The following DNHD1 variants were observed in gnomAD, a reference collection of about 807,000 sequenced individuals.
DNHD1 encodes the protein dynein heavy chain domain 1.
A neutral mutation model predicts 458.1 loss-of-function variants in DNHD1; 383 were observed. That is an observed-to-expected ratio of 0.84 (90% CI 0.77 to 0.91). The LOEUF is 0.91. DNHD1 is among the 40% of genes least tolerant of loss of function. The pLI is 0.00. For synonymous variants in DNHD1, 2,203 were observed against 2,376.9 expected, an observed-to-expected ratio of 0.93 and a Z score of 2.13; for missense variants, 5,336 against 5,866.1, an observed-to-expected ratio of 0.91 and a Z score of 2.95.
At chr11:6,506,394 C>T (rs1852228414) in intron 4 of DNHD1, among the ~76,000 whole-genome samples, 1 of 152,122 alleles carries the variant, frequency 6.6e-6, no homozygotes, top group Non-Finnish European at 1.5e-5. Flanking sequence ...ATGTGTTATA[C>T]AGATATTATA....
intron 18 of DNHD1, among the ~76,000 whole-genome samples, chr11:6,543,382 C>G (rs1474922820): frequency 6.6e-6 from 1 of 152,194 alleles, no homozygotes; most frequent in African/African-American, 2.4e-5. Context: ...AAAGTTTGTT[C>G]TCAGCTTCTC....
chr11:6,503,759 G>A (rs1852181727), intron 4 of DNHD1: 1 of 152,184 alleles, frequency 6.6e-6, no homozygotes, highest in Non-Finnish European at 1.5e-5. Context: ...TTACAGGCAT[G>A]AGCCACCATG....
At chr11:6,512,437 T>C (rs373471319) in intron 7 of DNHD1, among the ~76,000 whole-genome samples, 39 of 151,970 alleles carry the variant, frequency 2.6e-4, no homozygotes, top group East Asian at 9.7e-4. Flanking sequence ...TTAGCCAGGA[T>C]GGTCTTGATC....
Position 6,544,943 on chromosome 11 carries a change from C to T in DNHD1, c.4004C>T (p.Ser1335Leu), listed in dbSNP as rs749297367. Residue 1335 changes from serine to leucine, a missense_variant, in exon 21 of 43, where the codon TCG becomes TTG. Physicochemically the swap from Ser to Leu is moderately radical, Grantham distance 145 (BLOSUM62 -2). Around this residue, in one of 4 missense-constraint regions of DNHD1, gnomAD observed 3,932 missense variants for 4,365.6 expected, o/e 0.90. Coordinates refer to ENST00000254579, the MANE Select transcript of DNHD1 (RefSeq NM_144666.3). Reference protein sequence around the residue: ...QQLQQLLQAGSVELEGIIMSL... With the variant: ...QQLQQLLQAGLVELEGIIMSL... Reference sequence around the variant, plus strand: ...CTGCAACAACTGCTGCAAGCAGGATCGGTGGAGCTGGAGGGCATCATCATG... The same window carrying T: ...CTGCAACAACTGCTGCAAGCAGGATTGGTGGAGCTGGAGGGCATCATCATG... 1.2e-5 allele frequency: 18 copies of T among 1,551,568 alleles called. No individual in the cohort carries two copies. Among genetic ancestry groups the T allele is most frequent in the Non-Finnish European group, 1.5e-5 (17 of 1,146,992 alleles).
Position 6,556,703 on chromosome 11 carries a change from C to G in DNHD1, c.7408C>G (p.Pro2470Ala), listed in dbSNP as rs370758058. ...CATAGACCCAGAGAAGAGCTGCCAG[C>G]CAGTGTTGGAGACTCTGCGCCAGGC... ...ATSDPEKSCQ[P>A]VLETLRQAMD... The change falls in exon 25 of 43, where the codon CCA (proline) becomes GCA (alanine). Residue 2470 changes from proline (P) to alanine (A), a missense_variant. Pro to Ala is a conservative substitution (Grantham distance 27, BLOSUM62 -1). Coordinates refer to ENST00000254579, the MANE Select transcript of DNHD1 (RefSeq NM_144666.3). 1 of 1,543,714 alleles carries G rather than the reference C, an allele frequency of 6.5e-7. No homozygotes were observed. Among genetic ancestry groups the G allele is most frequent in the African/African-American group, 1.4e-5 (1 of 72,898 alleles).
Position 6,544,837 on chromosome 11 carries a change from C to G in DNHD1, c.3898C>G (p.Arg1300Gly). Residue 1300 changes from arginine (R) to glycine (G), a missense_variant, in exon 21 of 43, where the codon CGC becomes GGC. Physicochemically the swap from Arg to Gly is moderately radical, Grantham distance 125. Around this residue, in one of 4 missense-constraint regions of DNHD1, gnomAD observed 3,932 missense variants for 4,365.6 expected, o/e 0.90. Transcript: ENST00000254579. ...VMDDQYRTLM[R>G]ISVADPMVLS... ...GGATGACCAGTATCGAACCCTGATGCGCATCTCTGTAGCTGACCCCATGGT... is the reference window on the plus strand; with the variant it reads ...GGATGACCAGTATCGAACCCTGATGGGCATCTCTGTAGCTGACCCCATGGT... The G allele has an allele frequency of 6.4e-7, 1 of 1,551,668 alleles. No individual in the cohort carries two copies. The highest frequency in any genetic ancestry group is 1.7e-4 in the Middle Eastern group (1 of 5,992).
In DNHD1 at chr11:6,559,061, T is replaced by C. The variant is rs947671493; in HGVS notation, c.9371T>C (p.Met3124Thr). ...TFLDFLDTFL[M>T]LQQQTILKIK... ...CTAGACTTCCTGGACACTTTCCTGA[T>C]GCTGCAGCAACAGACAATCCTGAAG... Residue 3124 changes from methionine (M) to threonine (T), a missense_variant, in exon 27 of 43, where the codon ATG (methionine) becomes ACG (threonine). Coordinates refer to ENST00000254579, the MANE Select transcript of DNHD1 (RefSeq NM_144666.3). 2.6e-6 allele frequency: 4 copies of C among 1,551,582 alleles called. No individual in the cohort carries two copies. The highest frequency in any genetic ancestry group is 3.5e-6 in the Non-Finnish European group (4 of 1,146,990).
At position 6,522,326 on chromosome 11, in the gene DNHD1, C is replaced by A. The variant is rs183232177; in HGVS notation, c.1837+2037C>A. Among the ~76,000 whole-genome samples the A allele has an allele frequency of 5.3e-5, 8 of 152,224 alleles. No individual in the cohort carries two copies. The East Asian group carries it at 1.5e-3, about 29-fold the overall frequency. The stretch of plus-strand genomic sequence containing the variant: ...TCTGTTGATAGTTTCTTTTGCTGTG[C>A]AGAAGCTCTTACGTTTAACTGGATC... On this transcript the variant is annotated intron_variant, in intron 10 of 42. Coordinates refer to ENST00000254579, the MANE Select transcript of DNHD1 (RefSeq NM_144666.3).
intron 12 of DNHD1, among the ~76,000 whole-genome samples, chr11:6,531,993 T>C (rs1852837219): frequency 6.6e-6 from 1 of 152,210 alleles, no homozygotes; most frequent in Non-Finnish European, 1.5e-5. Context: ...CTGTGTGATG[T>C]TGATCAAGTG....
chr11:6,508,147 T>C (rs757083810), intron 4 of DNHD1: 6 of 152,224 alleles, frequency 3.9e-5, no homozygotes, highest in Non-Finnish European at 7.3e-5. Context: ...ATTAAATGTA[T>C]CTAAACATAG....
intron 24 of DNHD1, among the ~76,000 whole-genome samples, chr11:6,554,487 G>A (rs147027275): frequency 3.7e-4 from 56 of 151,986 alleles, no homozygotes; most frequent in African/African-American, 1.1e-3. Flanking sequence ...ACACTGTTAC[G>A]AAAATGAAAA....
intron 12 of DNHD1, among the ~76,000 whole-genome samples, chr11:6,530,125 T>C (rs1852796448): frequency 1.3e-5 from 2 of 152,260 alleles, no homozygotes; most frequent in Non-Finnish European, 2.9e-5. Context: ...GTATGATTTC[T>C]ACTCTGCTGT....
Position 6,559,092 on chromosome 11 carries a change from G to C in DNHD1, c.9402G>C (p.Lys3134Asn). 6.4e-7 allele frequency: 1 copy of C among 1,551,678 alleles called. No individual in the cohort carries two copies. Among genetic ancestry groups the C allele is most frequent in the Non-Finnish European group, 8.7e-7 (1 of 1,146,986 alleles). ...MLQQQTILKI[K>N]NKAQRVQNAL... Reference sequence around the variant, plus strand: ...AGCAACAGACAATCCTGAAGATTAAGAACAAGGCCCAGCGGTGAGTGTCCC... The same window carrying C: ...AGCAACAGACAATCCTGAAGATTAACAACAAGGCCCAGCGGTGAGTGTCCC... Residue 3134 changes from lysine (K) to asparagine (N), a missense_variant, in exon 27 of 43, where the codon AAG becomes AAC. Around this residue, in one of 4 missense-constraint regions of DNHD1, gnomAD observed 3,932 missense variants for 4,365.6 expected, o/e 0.90. Transcript: ENST00000254579.
intron 4 of DNHD1, among the ~76,000 whole-genome samples, chr11:6,504,447 A>G (rs920807041): frequency 1.3e-5 from 2 of 152,066 alleles, no homozygotes; most frequent in African/African-American, 2.4e-5. Flanking sequence ...TGGCAGCAGC[A>G]CTTTCTTTTT....
In DNHD1 at chr11:6,537,611, C is replaced by A. The variant is rs113239256; in HGVS notation, c.2999-772C>A. ...GGGAAGGGTAGCTAGGAATTTTTAA[C>A]CAGATAGCCTGCATAGGCCTCATTA... On this transcript the variant is annotated intron_variant, in intron 14 of 42. Coordinates refer to ENST00000254579, the MANE Select transcript of DNHD1 (RefSeq NM_144666.3). 8.9e-3 allele frequency among the ~76,000 whole-genome samples: 1,347 copies of A among 151,914 alleles called. 16 individuals are homozygous for A. Among genetic ancestry groups the A allele is most frequent in the African/African-American group, 0.031 (1,274 of 41,444 alleles).
rs961283731 is a variant in DNHD1, at chr11:6,545,977, G to C, written c.5038G>C (p.Val1680Leu). ...ALVLLLALEEVACGTVLGPNG... is the reference protein window; with the variant it reads ...ALVLLLALEELACGTVLGPNG... ...GGTACTATTATTGGCCCTAGAGGAGGTGGCCTGTGGGACCGTACTGGGTCC... is the reference window on the plus strand; with the variant it reads ...GGTACTATTATTGGCCCTAGAGGAGCTGGCCTGTGGGACCGTACTGGGTCC... Residue 1680 changes from valine to leucine, a missense_variant, in exon 21 of 43, where the codon GTG (valine) becomes CTG (leucine). Val to Leu is a conservative substitution (Grantham distance 32, BLOSUM62 1). This residue lies in a region of DNHD1 where 3,932 missense variants were observed against 4,365.6 expected (regional missense o/e 0.90). Transcript: ENST00000254579. The surrounding 1 kb of genome is among the most constrained non-coding windows in gnomAD (Gnocchi z 4.9). 10 of 1,551,676 alleles carry C rather than the reference G, an allele frequency of 6.4e-6. No individual in the cohort carries two copies. The highest frequency in any genetic ancestry group is 2.0e-5 in the Admixed American group (1 of 50,996).
At chr11:6,526,263 C>A (rs1343611009) in intron 10 of DNHD1, among the ~76,000 whole-genome samples, 7 of 151,968 alleles carry the variant, frequency 4.6e-5, no homozygotes. Flanking sequence ...TTTTTTCTTT[C>A]ATTTATAATT....
Position 6,558,525 on chromosome 11 carries a change from C to T in DNHD1, c.9043C>T (p.Leu3015=). The T allele has an allele frequency of 3.9e-6, 6 of 1,551,716 alleles. No individual in the cohort carries two copies. Among genetic ancestry groups the T allele is most frequent in the Non-Finnish European group, 5.2e-6 (6 of 1,146,996 alleles). Residue 3015 remains leucine (L), a synonymous_variant, in exon 26 of 43, where the codon CTG becomes TTG. Coordinates refer to ENST00000254579, the MANE Select transcript of DNHD1 (RefSeq NM_144666.3). The stretch of plus-strand genomic sequence containing the variant: ...GTGCAGCCACCTTCACCTGTTCTTC[C>T]TGATTGGAGATAAACAGGCCCACAA... ...QVCSHLHLFF[L]IGDKQAHKQL... is the part of the protein sequence containing the mutation.
intron 41 of DNHD1, 52 bp downstream of exon 41, chr11:6,570,448 G>A: frequency 6.5e-7 from 1 of 1,540,240 alleles, no homozygotes; most frequent in Non-Finnish European, 8.8e-7. Context: ...GCAATGCAAT[G>A]CCACCCCCCA....
Sources: gnomAD v4.1 joint callset for allele counts (sites outside exome capture counted in the v4.1 genomes callset) on GRCh38, gnomAD v4.1.1 for gene constraint, gnomAD v4.1.1 regional missense constraint, Gnocchi (gnomAD v3.1) non-coding constraint, MANE v1.5 for transcripts, NCBI Gene and HGNC (gene_info 2026-07-23, HGNC 2026-07-21) for gene names.